The following CDH13 variants were observed in gnomAD, a reference collection of about 807,000 sequenced individuals.
The protein encoded by CDH13 is cadherin 13.
A neutral mutation model predicts 63.8 loss-of-function variants in CDH13; 24 were observed. The ratio of observed to expected loss-of-function variants is 0.38; its 90% CI spans 0.27 to 0.53. CDH13 has a LOEUF of 0.53. Among genes scored for constraint, CDH13 ranks in the 20% least tolerant of loss-of-function variants. The probability of loss-of-function intolerance (pLI) is 0.85; values close to 1 mark genes in which losing one functional copy is unlikely to be tolerated. For missense variants in CDH13, 1,049 were observed against 903.1 expected (o/e 1.16, Z -2.07); for synonymous variants, 503 against 355.3 (o/e 1.42, Z -4.67).
At chr16:83,509,394 G>C (rs2074501685) in intron 7 of CDH13, among the ~76,000 whole-genome samples, 1 of 152,236 alleles carries the variant, frequency 6.6e-6, no homozygotes, top group South Asian at 2.1e-4. Context: ...CAGATAGTAA[G>C]TATTTTAGGC....
intron 13 of CDH13, among the ~76,000 whole-genome samples, chr16:83,787,995 C>T (rs895945537): frequency 3.3e-5 from 5 of 152,200 alleles, no homozygotes; most frequent in Admixed American, 6.5e-5. Context: ...TTGGATAAAT[C>T]GGAGAGCAGT....
chr16:83,235,425 C>T (rs1567527896), intron 5 of CDH13, among the ~76,000 whole-genome samples: 1 of 152,184 alleles, frequency 6.6e-6, no homozygotes, highest in South Asian at 2.1e-4. Flanking sequence ...CTAACCGAAT[C>T]ATGTTTTCAC....
rs528752493 is a variant in CDH13 at position 82,838,920 on chromosome 16, C to G, written c.46-19442C>G. ...AAGTCTGCAAACTTTCTCAAAGAGC[C>G]AGATAATAAATTTTCAGACATTGCA... On this transcript the variant is annotated intron_variant, in intron 1 of 13. Transcript: ENST00000567109. Among the ~76,000 whole-genome samples the G allele has an allele frequency of 7.9e-5, 12 of 152,330 alleles. No homozygotes were observed. In the South Asian group the frequency reaches 2.5e-3, roughly 32 times the overall value.
At chr16:83,231,594 T>C (rs1597563432) in intron 5 of CDH13, among the ~76,000 whole-genome samples, 3 of 152,178 alleles carry the variant, frequency 2.0e-5, no homozygotes, top group Admixed American at 1.3e-4. Context: ...GTCTGCAAAC[T>C]GTGGCCTGCA....
At chr16:82,767,520 A>G (rs1386613955) in intron 1 of CDH13, among the ~76,000 whole-genome samples, 1 of 152,214 alleles carries the variant, frequency 6.6e-6, no homozygotes, top group Non-Finnish European at 1.5e-5. Context: ...GTAGAAGTCT[A>G]GCTTACCCTG....
rs149297680 is a variant in CDH13 at position 83,362,435 on chromosome 16, T to C, written c.781+17429T>C. Among the ~76,000 whole-genome samples, 1,393 of 152,352 alleles carry C rather than the reference T, an allele frequency of 9.1e-3. 16 individuals are homozygous for C. Among genetic ancestry groups the C allele is most frequent in the African/African-American group, 0.031 (1,293 of 41,580 alleles). On this transcript the variant is annotated intron_variant, in intron 6 of 13. Transcript: ENST00000567109. ...TTAGACACCTTTTGTCTTTATCTCT[T>C]TTTGCCCTAGGCAATTAGGTGCCAC...
At chr16:83,527,248 G>A (rs1441823833) in intron 7 of CDH13, among the ~76,000 whole-genome samples, 1 of 152,148 alleles carries the variant, frequency 6.6e-6, no homozygotes, top group African/African-American at 2.4e-5. Flanking sequence ...GGGAGATGGA[G>A]ACCATCCTAG....
intron 6 of CDH13, among the ~76,000 whole-genome samples, chr16:83,348,506 A>G (rs2090886487): frequency 6.6e-6 from 1 of 152,226 alleles, no homozygotes; most frequent in Admixed American, 6.5e-5. Flanking sequence ...CCAAGGGAAC[A>G]GAAGGGTCCC....
At chr16:83,621,892 A>G (rs1413954188) in intron 8 of CDH13, among the ~76,000 whole-genome samples, 2 of 152,072 alleles carry the variant, frequency 1.3e-5, no homozygotes, top group African/African-American at 4.8e-5. Context: ...GGATAAGTTC[A>G]AGTTACCCTC....
At chr16:82,628,787 CG>C (rs1224794134) in intron 1 of CDH13, among the ~76,000 whole-genome samples, 1 of 152,152 alleles carries the variant, frequency 6.6e-6, no homozygotes, top group African/African-American at 2.4e-5. Context: ...TTTAGCAAGG[CG>C]GTTTGGAGCA....
At chr16:83,055,926 G>C (rs1373956684) in intron 3 of CDH13, among the ~76,000 whole-genome samples, 1 of 152,036 alleles carries the variant, frequency 6.6e-6, no homozygotes, top group Non-Finnish European at 1.5e-5. Context: ...AGGCTATACA[G>C]TGGAAAAAAA....
chr16:82,871,096 T>C (rs926610067), intron 2 of CDH13, among the ~76,000 whole-genome samples: 1 of 152,232 alleles, frequency 6.6e-6, no homozygotes, highest in Non-Finnish European at 1.5e-5. Context: ...TTCTGTCATA[T>C]CAGTAACACT....
chr16:83,271,271 C>G (rs1465543221), intron 5 of CDH13, among the ~76,000 whole-genome samples: 2 of 151,376 alleles, frequency 1.3e-5, no homozygotes, highest in Admixed American at 6.6e-5. Context: ...TGCTCATCTT[C>G]TTGTATTTCC....
intron 10 of CDH13, among the ~76,000 whole-genome samples, chr16:83,684,063 A>G (rs889770179): frequency 5.9e-5 from 9 of 152,214 alleles, no homozygotes; most frequent in African/African-American, 1.9e-4. Flanking sequence ...ATGTAACTGA[A>G]CTTGTTAGAA....
chr16:82,677,750 A>T (rs761621521), intron 1 of CDH13, among the ~76,000 whole-genome samples: 2 of 152,076 alleles, frequency 1.3e-5, no homozygotes, highest in Non-Finnish European at 2.9e-5. Flanking sequence ...TACTAACACA[A>T]ATGTTTTCAG....
At chr16:82,847,364 G>A (rs1204182430) in intron 1 of CDH13, among the ~76,000 whole-genome samples, 2 of 152,120 alleles carry the variant, frequency 1.3e-5, no homozygotes, top group Admixed American at 1.3e-4. Context: ...AGTCTCATGG[G>A]GAGAATTCCC....
intron 1 of CDH13, among the ~76,000 whole-genome samples, chr16:82,654,777 A>G (rs1911112711): frequency 6.6e-6 from 1 of 151,644 alleles, no homozygotes; most frequent in African/African-American, 2.4e-5. Context: ...TACAGAAAGG[A>G]TGAGGGCAGC....
chr16:83,252,790 C>G (rs1905739175), intron 5 of CDH13, among the ~76,000 whole-genome samples: 1 of 152,038 alleles, frequency 6.6e-6, no homozygotes, highest in South Asian at 2.1e-4. Flanking sequence ...CACAGCACAG[C>G]CTGCCCCCCA....
intron 11 of CDH13, among the ~76,000 whole-genome samples, chr16:83,764,237 A>G (rs544765789): frequency 5.6e-4 from 85 of 152,260 alleles, no homozygotes; most frequent in Non-Finnish European, 1.0e-3. Flanking sequence ...TTTCTAGGGA[A>G]TGGATGGGCC....
Sources: gnomAD v4.1 joint callset for allele counts (sites outside exome capture counted in the v4.1 genomes callset) on GRCh38, gnomAD v4.1.1 for gene constraint, MANE v1.5 for transcripts, NCBI Gene and HGNC (gene_info 2026-07-23, HGNC 2026-07-21) for gene names.